ZFP91: variants seen among roughly 807,000 people sequenced by gnomAD.
ZFP91 encodes the protein ZFP91 zinc finger protein, atypical E3 ubiquitin ligase.
A neutral mutation model predicts 63.5 loss-of-function variants in ZFP91; 7 were observed. The ratio of observed to expected loss-of-function variants is 0.11; its 90% CI spans 0.06 to 0.21. ZFP91 has a LOEUF of 0.21. Ranked by LOEUF, ZFP91 falls within the 10% of genes least tolerant of loss-of-function variation. The pLI, the probability that ZFP91 is intolerant of heterozygous loss-of-function variation, is 1.00. For synonymous variants in ZFP91, 330 were observed against 272.1 expected, an observed-to-expected ratio of 1.21 and a Z score of -2.10; for missense variants, 628 against 736.6, an observed-to-expected ratio of 0.85 and a Z score of 1.71.
intron 2 of ZFP91, among the ~76,000 whole-genome samples, chr11:58,586,043 G>GT (rs1855203442): frequency 6.6e-6 from 1 of 151,548 alleles, no homozygotes; most frequent in Non-Finnish European, 1.5e-5. Flanking sequence ...TGTCTAGCAA[G>GT]TTTTTTGTTC....
intron 1 of ZFP91, among the ~76,000 whole-genome samples, chr11:58,583,652 T>A (rs887004875): frequency 1.3e-5 from 2 of 152,096 alleles, no homozygotes; most frequent in Non-Finnish European, 2.9e-5. Context: ...TTTTCAAAAA[T>A]TTAGCAATTA....
Position 58,579,333 on chromosome 11 carries a change from G to A in ZFP91, c.52G>A (p.Gly18Arg), listed in dbSNP as rs920624194. Residue 18 changes from glycine to arginine, a missense_variant, in exon 1 of 11, where the codon GGG becomes AGG. Physicochemically the swap from Gly to Arg is moderately radical, Grantham distance 125. This residue lies in a region of ZFP91 where 437 missense variants were observed against 380.3 expected (regional missense o/e 1.15). Coordinates refer to ENST00000316059, the MANE Select transcript of ZFP91 (RefSeq NM_053023.5). ...ACCCCCGGAGCAGCAGGACCAGGAA[G>A]GGGGAGAGGCGGCCAAGGCGGCTCC... is the stretch of plus-strand genomic sequence containing the variant. ...PRPPEQQDQE[G>R]GEAAKAAPEE... 1.2e-5 allele frequency: 18 copies of A among 1,495,106 alleles called. No homozygotes were observed. Among genetic ancestry groups the A allele is most frequent in the Admixed American group, 2.3e-5 (1 of 43,378 alleles). The allele number at this position is 1,495,106 out of a possible 1,614,324, so 92.6% of individuals were successfully genotyped here.
rs138045910 is a variant in ZFP91 at position 58,586,517 on chromosome 11, G to A, written c.370+1633G>A. On this transcript the variant is annotated intron_variant, in intron 2 of 10. Transcript: ENST00000316059. ...AACTACATTCTGGATAATTTGATCC[G>A]AAGATCAATCCCACTTTACTGTTTA... Among the ~76,000 whole-genome samples, 31 of 152,230 alleles carry A rather than the reference G, an allele frequency of 2.0e-4. No individual in the cohort carries two copies. The East Asian group carries it at 4.1e-3, about 20-fold the overall frequency.
intron 7 of ZFP91, 95 bp from the exon 8 acceptor site, chr11:58,612,667 T>G: frequency 1.1e-6 from 1 of 897,000 alleles, no homozygotes; most frequent in Admixed American, 2.4e-5. Flanking sequence ...TACTATAAAA[T>G]AGCTATTCCC....
Position 58,579,514 on chromosome 11 carries a change from G to A in ZFP91, c.233G>A (p.Arg78His), listed in dbSNP as rs1460993151. 3.2e-6 allele frequency: 5 copies of A among 1,553,874 alleles called. No individual in the cohort carries two copies. Among genetic ancestry groups the A allele is most frequent in the Non-Finnish European group, 3.5e-6 (4 of 1,155,788 alleles). The change falls in exon 1 of 11, where the codon CGC becomes CAC. Residue 78 changes from arginine to histidine, a missense_variant. This residue lies in a region of ZFP91 where 437 missense variants were observed against 380.3 expected (regional missense o/e 1.15). Coordinates refer to ENST00000316059, the MANE Select transcript of ZFP91 (RefSeq NM_053023.5). The part of the protein sequence containing the change: ...VSRRRKAEYP[R>H]RRRSSPSARP... ...CGCCGGAGGAAGGCCGAGTATCCCC[G>A]CCGGCGGAGGAGCAGCCCCAGCGCC...
At chr11:58,587,703 C>T (rs890013570) in intron 2 of ZFP91, among the ~76,000 whole-genome samples, 1 of 152,204 alleles carries the variant, frequency 6.6e-6, no homozygotes, top group South Asian at 2.1e-4. Context: ...TCTACCTACA[C>T]GTAATTTTTA....
chr11:58,621,021 A>T lies in ZFP91; in HGVS notation c.*3315A>T, dbSNP rs979750512. The T allele has an allele frequency of 1.3e-5, 2 of 152,656 alleles. No individual in the cohort carries two copies. Among genetic ancestry groups the T allele is most frequent in the Admixed American group, 6.5e-5 (1 of 15,280 alleles). The allele number at this position is 152,656 out of a possible 1,614,324, so 9.5% of individuals were successfully genotyped here. A position where few individuals can be genotyped will look rare whatever the true frequency, so the allele number is the denominator to read the frequency against. On this transcript the variant is annotated 3_prime_UTR_variant, in exon 11 of 11. Transcript: ENST00000316059. ...TAAAAATAAATATGTAAAGAAGAAAAATAAAAGTTGTCTTCATGGAAGCAA... is the reference window on the plus strand; with the variant it reads ...TAAAAATAAATATGTAAAGAAGAAATATAAAAGTTGTCTTCATGGAAGCAA...
intron 9 of ZFP91, among the ~76,000 whole-genome samples, chr11:58,614,962 G>A (rs969295186): frequency 4.6e-5 from 7 of 152,166 alleles, no homozygotes; most frequent in African/African-American, 1.7e-4. Context: ...GTATGTCCCA[G>A]ACACTTGATA....
At chr11:58,606,941 G>T (rs949618741) in intron 2 of ZFP91, among the ~76,000 whole-genome samples, 3 of 150,944 alleles carry the variant, frequency 2.0e-5, no homozygotes, top group African/African-American at 4.9e-5. Context: ...TGACAGAGTG[G>T]TTTTTTTTTA....
In ZFP91 at chr11:58,618,488, C is replaced by T. The variant is rs1248330291; in HGVS notation, c.*782C>T. 1 of 368,730 alleles carries T rather than the reference C, an allele frequency of 2.7e-6. No individual in the cohort carries two copies. Among genetic ancestry groups the T allele is most frequent in the African/African-American group, 2.1e-5 (1 of 46,856 alleles). 22.8% of individuals were successfully genotyped at this position (368,730 alleles called of 1,614,324 possible). A position where few individuals can be genotyped will look rare whatever the true frequency, so the allele number is the denominator to read the frequency against. ...TATCAGTGAGACGATGAGAAAAGTC[C>T]CAGGCTAATGGCAGAAATTTGCACT... On this transcript the variant is annotated 3_prime_UTR_variant, in exon 11 of 11. Transcript: ENST00000316059.
chr11:58,600,668 T>G (rs1180874755), intron 2 of ZFP91, among the ~76,000 whole-genome samples: 4 of 152,170 alleles, frequency 2.6e-5, no homozygotes, highest in Non-Finnish European at 5.9e-5. Flanking sequence ...GAGTAATTAC[T>G]TGGCTAGAAC....
At chr11:58,610,214 ATTTGAT>A in intron 3 of ZFP91, 78 bp from the exon 4 acceptor site, 2 of 1,490,070 alleles carry the variant, frequency 1.3e-6, no homozygotes, top group East Asian at 4.6e-5. Flanking sequence ...CCATGCAGTA[ATTTGAT>A]TTGCATTTCT....
At chr11:58,596,492 C>G (rs539749796) in intron 2 of ZFP91, among the ~76,000 whole-genome samples, 18 of 152,284 alleles carry the variant, frequency 1.2e-4, no homozygotes, top group African/African-American at 4.1e-4. Context: ...TAATTGGAAC[C>G]TTTCTGCCAG....
chr11:58,589,986 C>T (rs113544956), intron 2 of ZFP91, among the ~76,000 whole-genome samples: 6 of 152,220 alleles, frequency 3.9e-5, no homozygotes, highest in South Asian at 4.1e-4. Flanking sequence ...TTGCCATCTT[C>T]GACACAGTTA....
chr11:58,607,219 A>G (rs1855582698), intron 2 of ZFP91, among the ~76,000 whole-genome samples: 1 of 152,140 alleles, frequency 6.6e-6, no homozygotes, highest in Admixed American at 6.5e-5. Context: ...TAAATGTTGT[A>G]ATACTTCATA....
At chr11:58,612,207 G>C in intron 6 of ZFP91, 71 bp from the exon 7 acceptor site, 2 of 1,462,138 alleles carry the variant, frequency 1.4e-6, no homozygotes, top group Non-Finnish European at 9.5e-7. Flanking sequence ...GTGTGTGTGT[G>C]TCTTCAGCCA....
rs780402339 is a variant in ZFP91 at position 58,592,848 on chromosome 11, G to T, written c.370+7964G>T. The stretch of plus-strand genomic sequence containing the variant: ...GTTTTTTCTGACTCATGGTTCTGCA[G>T]GCTGTACAAGCATGGCACCAGCATC... On this transcript the variant is annotated intron_variant, in intron 2 of 10. Coordinates refer to ENST00000316059, the MANE Select transcript of ZFP91 (RefSeq NM_053023.5). Among the ~76,000 whole-genome samples, 15 of 152,184 alleles carry T rather than the reference G, an allele frequency of 9.9e-5. 1 individual carries two copies. The highest frequency in any genetic ancestry group is 2.1e-4 in the South Asian group (1 of 4,826).
In ZFP91 at chr11:58,618,669, A is replaced by T. The variant is rs755221218; in HGVS notation, c.*963A>T. 1.1e-4 allele frequency: 48 copies of T among 456,684 alleles called. No homozygotes were observed. Among genetic ancestry groups the T allele is most frequent in the Non-Finnish European group, 1.8e-4 (40 of 226,992 alleles). The allele number at this position is 456,684 out of a possible 1,614,324, so 28.3% of individuals were successfully genotyped here. ...ACATGGGATCCCTTCCATAACAGGTACTTTGAAGGCAAGACATAGGGTTGA... is the reference window on the plus strand; with the variant it reads ...ACATGGGATCCCTTCCATAACAGGTTCTTTGAAGGCAAGACATAGGGTTGA... On this transcript the variant is annotated 3_prime_UTR_variant, in exon 11 of 11. Transcript: ENST00000316059.
At chr11:58,605,003 A>G (rs2134412315) in intron 2 of ZFP91, among the ~76,000 whole-genome samples, 1 of 152,286 alleles carries the variant, frequency 6.6e-6, no homozygotes, top group East Asian at 1.9e-4. Context: ...ACCTGTCTTA[A>G]TATCTTTTAT....
Sources: gnomAD v4.1 joint callset for allele counts (sites outside exome capture counted in the v4.1 genomes callset) on GRCh38, gnomAD v4.1.1 for gene constraint, gnomAD v4.1.1 regional missense constraint, MANE v1.5 for transcripts, NCBI Gene and HGNC (gene_info 2026-07-23, HGNC 2026-07-21) for gene names.